The following CTNNA2 variants were observed in gnomAD, a reference collection of about 807,000 sequenced individuals.
CTNNA2 encodes the protein catenin alpha-2.
CTNNA2 carries 42 observed loss-of-function variants against 101.0 expected under a neutral mutation model. The observed-to-expected ratio is 0.42, with a 90% confidence interval of 0.32 to 0.54. CTNNA2 has a LOEUF of 0.54. Among genes scored for constraint, CTNNA2 ranks in the 20% least tolerant of loss-of-function variants. CTNNA2 has a pLI of 0.14. For missense variants in CTNNA2, 871 were observed against 1,223.1 expected, an observed-to-expected ratio of 0.71 and a Z score of 4.29; for synonymous variants, 450 against 456.4, an observed-to-expected ratio of 0.99 and a Z score of 0.18.
intron 7 of CTNNA2, among the ~76,000 whole-genome samples, chr2:80,220,379 T>C (rs1251178322): frequency 6.6e-6 from 1 of 152,236 alleles, no homozygotes; most frequent in Admixed American, 6.5e-5. Flanking sequence ...GTTTTTTCCT[T>C]CTGCCTCAAG....
chr2:80,185,141 T>C lies in CTNNA2; in HGVS notation c.1057-208070T>C, dbSNP rs569243931. On this transcript the variant is annotated intron_variant, in intron 7 of 18. Transcript: ENST00000402739. ...AAGTCAGCTGGGGCTACAGGAATCTTAAAGCTTCACTCAGAGAAGATCCAC... is the reference window on the plus strand; with the variant it reads ...AAGTCAGCTGGGGCTACAGGAATCTCAAAGCTTCACTCAGAGAAGATCCAC... Among the ~76,000 whole-genome samples the C allele has an allele frequency of 3.3e-5, 5 of 152,288 alleles. No homozygotes were observed. In the East Asian group the frequency reaches 9.7e-4, roughly 29 times the overall value.
intron 7 of CTNNA2, among the ~76,000 whole-genome samples, chr2:80,093,610 CA>C (rs1330536259): frequency 6.6e-6 from 1 of 152,136 alleles, no homozygotes; most frequent in Non-Finnish European, 1.5e-5. Context: ...AACTAGTTTA[CA>C]GTCCCACCAA....
At chr2:79,579,802 C>T (rs938929241) in intron 1 of CTNNA2, among the ~76,000 whole-genome samples, 23 of 151,938 alleles carry the variant, frequency 1.5e-4, no homozygotes, top group African/African-American at 4.4e-4. Flanking sequence ...TTAGTAGAGA[C>T]GGGGTTTCTC....
chr2:79,595,288 A>T (rs894804135), intron 1 of CTNNA2, among the ~76,000 whole-genome samples: 6 of 152,032 alleles, frequency 3.9e-5, no homozygotes, highest in African/African-American at 1.2e-4. Flanking sequence ...TGTTCTACGT[A>T]TGTTCCCGTG....
In CTNNA2 at chr2:79,260,936, G is replaced by A. The variant is rs143166864; in HGVS notation, c.-405-51773G>A. Among the ~76,000 whole-genome samples, 165 of 152,244 alleles carry A rather than the reference G, an allele frequency of 1.1e-3. 1 individual carries two copies. The highest frequency in any genetic ancestry group is 1.6e-3 in the Non-Finnish European group (107 of 68,026). On this transcript the variant is annotated intron_variant, in intron 2 of 21. Transcript: ENST00000466387. ...AATTCATCCTCCCCCGCAATTCCTTGTAATGCCTATAAGGACATGTCAAAT... is the reference window on the plus strand; with the variant it reads ...AATTCATCCTCCCCCGCAATTCCTTATAATGCCTATAAGGACATGTCAAAT...
chr2:80,034,909 G>A (rs72924603), intron 7 of CTNNA2, among the ~76,000 whole-genome samples: 1,628 of 152,144 alleles, frequency 0.011, 33 homozygotes, highest in African/African-American at 0.038. Context: ...TTCATATACC[G>A]CTCTGAGAAT....
At chr2:79,870,880 C>T (rs1233049453) in intron 5 of CTNNA2, among the ~76,000 whole-genome samples, 1 of 152,116 alleles carries the variant, frequency 6.6e-6, no homozygotes, top group African/African-American at 2.4e-5. Context: ...TTATAGGTCC[C>T]TCCCTCCACA....
chr2:80,525,888 C>T (rs1689993478), intron 9 of CTNNA2, among the ~76,000 whole-genome samples: 2 of 152,172 alleles, frequency 1.3e-5, no homozygotes, highest in Admixed American at 1.3e-4. Context: ...AACATTGGCT[C>T]TGCCACTTAT....
chr2:80,050,119 T>C (rs911411428), intron 7 of CTNNA2, among the ~76,000 whole-genome samples: 1 of 152,138 alleles, frequency 6.6e-6, no homozygotes, highest in Non-Finnish European at 1.5e-5. Flanking sequence ...GAGTTACCTA[T>C]TGACAAGCCA....
At chr2:79,542,755 C>T (rs895240792) in intron 1 of CTNNA2, among the ~76,000 whole-genome samples, 1 of 152,148 alleles carries the variant, frequency 6.6e-6, no homozygotes, top group Non-Finnish European at 1.5e-5. Flanking sequence ...CATGCACATA[C>T]ACACACATAT....
At chr2:79,290,469 A>T (rs2104375935) in intron 2 of CTNNA2, among the ~76,000 whole-genome samples, 1 of 152,220 alleles carries the variant, frequency 6.6e-6, no homozygotes, top group South Asian at 2.1e-4. Context: ...TTTGTGCCCA[A>T]ATGTTGCATT....
At chr2:79,698,057 T>A (rs1263044216) in intron 2 of CTNNA2, 5 of 152,074 alleles carry the variant, frequency 3.3e-5, no homozygotes, top group Admixed American at 3.3e-4. Context: ...AAGAAACCTT[T>A]ATTTATTTAT....
intron 1 of CTNNA2, among the ~76,000 whole-genome samples, chr2:79,616,022 G>A (rs1340197658): frequency 2.6e-5 from 4 of 152,192 alleles, no homozygotes; most frequent in Non-Finnish European, 5.9e-5. Flanking sequence ...TGAATGGAAG[G>A]AGACATGTTT....
intron 2 of CTNNA2, among the ~76,000 whole-genome samples, chr2:79,691,208 GTAAACTAGCC>G (rs898966099): frequency 6.6e-6 from 1 of 151,942 alleles, no homozygotes; most frequent in African/African-American, 2.4e-5. Context: ...GTAAGTAGAA[GTAAACTAGCC>G]TAAATCTGCA....
At chr2:80,245,133 G>A (rs921202103) in intron 7 of CTNNA2, among the ~76,000 whole-genome samples, 2 of 152,290 alleles carry the variant, frequency 1.3e-5, no homozygotes, top group Admixed American at 6.5e-5. Context: ...TTGGAAAGCC[G>A]GGGCAGCTGA....
intron 7 of CTNNA2, chr2:80,163,084 C>G: frequency 6.3e-7 from 1 of 1,577,286 alleles, no homozygotes; most frequent in South Asian, 1.1e-5. Flanking sequence ...TTGAAATTCA[C>G]AAACGCAAAC....
chr2:80,562,181 G>A (rs936006140), intron 12 of CTNNA2, among the ~76,000 whole-genome samples: 4 of 136,244 alleles, frequency 2.9e-5, no homozygotes, highest in South Asian at 4.5e-4. Flanking sequence ...CATTCAGACA[G>A]GGTTGACCAT....
chr2:79,466,320 A>G (rs1670934053), intron 4 of CTNNA2, among the ~76,000 whole-genome samples: 1 of 152,174 alleles, frequency 6.6e-6, no homozygotes, highest in Non-Finnish European at 1.5e-5. Context: ...AGGTGGCAGC[A>G]AGGCTGGGGG....
chr2:80,147,423 C>T (rs1703418940), intron 7 of CTNNA2, among the ~76,000 whole-genome samples: 1 of 152,090 alleles, frequency 6.6e-6, no homozygotes, highest in Non-Finnish European at 1.5e-5. Flanking sequence ...GCAGTAAAGA[C>T]TGAACATAAA....
Sources: gnomAD v4.1 joint callset for allele counts (sites outside exome capture counted in the v4.1 genomes callset) on GRCh38, gnomAD v4.1.1 for gene constraint, MANE v1.5 for transcripts, NCBI Gene and HGNC (gene_info 2026-07-23, HGNC 2026-07-21) for gene names.